The following DMBT1 variants were observed in gnomAD, a reference collection of about 807,000 sequenced individuals.
DMBT1 encodes deleted in malignant brain tumors 1.
DMBT1 carries 198 observed loss-of-function variants against 252.9 expected under a neutral mutation model. The ratio of observed to expected loss-of-function variants is 0.78; its 90% CI spans 0.70 to 0.88. DMBT1 has a LOEUF of 0.88. Ranked by LOEUF, DMBT1 falls within the 40% of genes least tolerant of loss-of-function variation. The probability of loss-of-function intolerance (pLI) is 0.00; values close to 1 mark genes in which losing one functional copy is unlikely to be tolerated. For missense variants in DMBT1, 2,432 were observed against 2,404.7 expected (o/e 1.01, Z -0.24); for synonymous variants, 990 against 942.7 (o/e 1.05, Z -0.92).
rs1052098106 is a variant in DMBT1, at chr10:122,570,801, G to A, written c.140-89G>A. ...GTTGCCCTTAGGATCTGTGTTTCCA[G>A]CCCTTGCTTCAGAGCTGACGAAGCC... On this transcript the variant is annotated intron_variant, in intron 3 of 55. Coordinates refer to ENST00000338354, the MANE Select transcript of DMBT1 (RefSeq NM_001377530.1). 6 of 1,471,000 alleles carry A rather than the reference G, an allele frequency of 4.1e-6. No homozygotes were observed. In the African/African-American group the frequency reaches 8.4e-5, roughly 20 times the overall value. The allele number at this position is 1,471,000 out of a possible 1,614,324, so 91.1% of individuals were successfully genotyped here. A position where few individuals can be genotyped will look rare whatever the true frequency, so the allele number is the denominator to read the frequency against.
At chr10:122,572,851 A>G (rs1231478307) in intron 5 of DMBT1, among the ~76,000 whole-genome samples, 1 of 152,190 alleles carries the variant, frequency 6.6e-6, no homozygotes, top group Non-Finnish European at 1.5e-5. Flanking sequence ...GACTTAAGAC[A>G]TAAATGTATA....
In DMBT1 at chr10:122,600,096, G is replaced by A. The variant is rs199787406; in HGVS notation, c.3310+3G>A. On this transcript the variant is annotated splice_donor_region_variant and intron_variant, in intron 27 of 55. Coordinates refer to ENST00000338354, the MANE Select transcript of DMBT1 (RefSeq NM_001377530.1). The stretch of plus-strand genomic sequence containing the variant: ...GTCCCGGCCAACACCTAGTCCAGGT[G>A]GGTCCCCAGTGTCCTTCCTCAAAAT... 215 of 1,601,490 alleles carry A rather than the reference G, an allele frequency of 1.3e-4. 8 individuals are homozygous for A. Among genetic ancestry groups the A allele is most frequent in the Admixed American group, 8.1e-4 (46 of 56,964 alleles).
intron 9 of DMBT1, among the ~76,000 whole-genome samples, 193 bp from the exon 10 acceptor site, chr10:122,579,385 C>T (rs1192007147): frequency 6.6e-6 from 1 of 152,172 alleles, no homozygotes; most frequent in Non-Finnish European, 1.5e-5. Flanking sequence ...AAAAGTTGAG[C>T]ATCCATAGAC....
chr10:122,594,339 C>T (rs1247589960), intron 21 of DMBT1, among the ~76,000 whole-genome samples, 157 bp from the exon 22 acceptor site: 3 of 127,564 alleles, frequency 2.4e-5, no homozygotes, highest in East Asian at 4.6e-4. Flanking sequence ...TGGATGAGTT[C>T]ACAGCACAGG....
rs1456044590 is a variant in DMBT1, at chr10:122,620,270, A to C, written c.5263A>C (p.Asn1755His). The C allele has an allele frequency of 6.2e-7, 1 of 1,613,910 alleles. No homozygotes were observed. The highest frequency in any genetic ancestry group is 1.3e-5 in the African/African-American group (1 of 75,016). ...ATTTACAGATACTTGGCTGACCACCAACTTACCGGCATTGACAGTAGGTAA... is the reference window on the plus strand; with the variant it reads ...ATTTACAGATACTTGGCTGACCACCCACTTACCGGCATTGACAGTAGGTAA... ...TPRPDTWLTT[N>H]LPALTVGSES... Residue 1755 changes from asparagine to histidine, a missense_variant, in exon 43 of 56, where the codon AAC becomes CAC. Around this residue, in one of 3 missense-constraint regions of DMBT1, gnomAD observed 1,162 missense variants for 1,169.0 expected, o/e 0.99. Transcript: ENST00000338354.
In DMBT1 at chr10:122,593,276, T is replaced by C. The variant is rs1475914689; in HGVS notation, c.2501-293T>C. Among the ~76,000 whole-genome samples, 3 of 148,514 alleles carry C rather than the reference T, an allele frequency of 2.0e-5. 1 individual carries two copies. Among genetic ancestry groups the C allele is most frequent in the Non-Finnish European group, 4.5e-5 (3 of 66,652 alleles). ...TTTGGCTGGAGTGGCTTCCTCAGCC[T>C]TGCTGACTCAGGAACACCTAAGATG... On this transcript the variant is annotated intron_variant, in intron 20 of 55. Transcript: ENST00000338354.
At chr10:122,571,059 T>C (rs1471101113) in intron 4 of DMBT1, 122 bp downstream of exon 4, 29 of 1,191,648 alleles carry the variant, frequency 2.4e-5, no homozygotes, top group Admixed American at 3.6e-5. Flanking sequence ...TGTTCTCAGG[T>C]AGTGTGGATA....
intron 26 of DMBT1, among the ~76,000 whole-genome samples, chr10:122,599,401 G>T (rs151333304): frequency 2.0e-5 from 3 of 152,146 alleles, no homozygotes; most frequent in African/African-American, 4.8e-5. Context: ...TGAGTAGCAC[G>T]GTGTGAGGGT....
At chr10:122,569,796 A>T (rs2981787) in intron 2 of DMBT1, among the ~76,000 whole-genome samples, 104,603 of 152,148 alleles carry the variant, frequency 0.69, 36,165 homozygotes, top group East Asian at 0.78. Flanking sequence ...TCAGGAGTAT[A>T]TCAGTGATGG....
chr10:122,599,113 C>A lies in DMBT1; in HGVS notation c.3280+16C>A, dbSNP rs1449507588. The A allele has an allele frequency of 6.2e-7, 1 of 1,613,844 alleles. No homozygotes were observed. Among genetic ancestry groups the A allele is most frequent in the East Asian group, 2.2e-5 (1 of 44,880 alleles). ...ATCTGCTCAGGTGGGCCTTCAAGAA[C>A]TTGGGATCACTCTCTTGGGGTGGAG... On this transcript the variant is annotated intron_variant, in intron 26 of 55. Transcript: ENST00000338354.
At chr10:122,619,645 G>C (rs563037847) in intron 42 of DMBT1, among the ~76,000 whole-genome samples, 1 of 152,200 alleles carries the variant, frequency 6.6e-6, no homozygotes, top group Non-Finnish European at 1.5e-5. Context: ...ATTCAGAGCT[G>C]ATACAACCTT....
intron 5 of DMBT1, among the ~76,000 whole-genome samples, chr10:122,573,366 G>A (rs1348647416): frequency 6.6e-6 from 1 of 152,166 alleles, no homozygotes. Flanking sequence ...GTGAATATTT[G>A]TCATTTAAGG....
At chr10:122,621,942 T>G (rs1481746623) in intron 44 of DMBT1, among the ~76,000 whole-genome samples, 2 of 152,092 alleles carry the variant, frequency 1.3e-5, no homozygotes, top group African/African-American at 4.8e-5. Flanking sequence ...GCAAGCATGG[T>G]GTTGGGAGGG....
chr10:122,565,883 A>T, intron 1 of DMBT1, 84 bp from the exon 2 acceptor site: 1 of 1,356,808 alleles, frequency 7.4e-7, no homozygotes, highest in Non-Finnish European at 1.0e-6. Flanking sequence ...GTGTGATTGT[A>T]CGGTGAAGCT....
intron 18 of DMBT1, 79 bp from the exon 19 acceptor site, chr10:122,591,400 C>T: frequency 7.0e-7 from 1 of 1,423,492 alleles, no homozygotes. Flanking sequence ...ATGATGCTTG[C>T]CTTGTCCAGA....
rs112832508 is a variant in DMBT1, at chr10:122,641,580, G to T, written c.7352+1131G>T. ...CTCAATTCACAGCAGCCCCCTTGGT[G>T]GCTGAGAGGAGGGGAGAAAGCTTAA... On this transcript the variant is annotated intron_variant, in intron 55 of 55. Transcript: ENST00000338354. 8.7e-3 allele frequency among the ~76,000 whole-genome samples: 1,319 copies of T among 152,280 alleles called. 16 individuals carry two copies. Among genetic ancestry groups the T allele is most frequent in the African/African-American group, 0.03 (1,236 of 41,550 alleles).
At chr10:122,625,859 G>T (rs1006341527) in intron 45 of DMBT1, 74 bp from the exon 46 acceptor site, 1 of 1,242,242 alleles carries the variant, frequency 8.0e-7, no homozygotes, top group Non-Finnish European at 1.2e-6. Flanking sequence ...ATTTAACTTT[G>T]TCAGTCAAAC....
intron 46 of DMBT1, among the ~76,000 whole-genome samples, chr10:122,627,360 A>G (rs1591527474): frequency 1.3e-5 from 2 of 152,164 alleles, no homozygotes; most frequent in Non-Finnish European, 2.9e-5. Context: ...ACACAAACAC[A>G]CACACACACA....
chr10:122,599,266 C>G (rs961180107), intron 26 of DMBT1, among the ~76,000 whole-genome samples, 169 bp downstream of exon 26: 2 of 152,182 alleles, frequency 1.3e-5, no homozygotes, highest in African/African-American at 4.8e-5. Flanking sequence ...GCCTAGTGTT[C>G]CTGTGGTCAC....
Sources: gnomAD v4.1 joint callset for allele counts (sites outside exome capture counted in the v4.1 genomes callset) on GRCh38, gnomAD v4.1.1 for gene constraint, gnomAD v4.1.1 regional missense constraint, MANE v1.5 for transcripts, NCBI Gene and HGNC (gene_info 2026-07-23, HGNC 2026-07-21) for gene names.